Variants in SHISA6 observed in about 807,000 individuals in gnomAD.
The protein encoded by SHISA6 is shisa family member 6.
A neutral mutation model predicts 47.9 loss-of-function variants in SHISA6; 22 were observed. The ratio of observed to expected loss-of-function variants is 0.46; its 90% CI spans 0.33 to 0.66. The LOEUF is 0.66. SHISA6 is among the 30% of genes least tolerant of loss of function. The probability of loss-of-function intolerance (pLI) is 0.02; values close to 1 mark genes in which losing one functional copy is unlikely to be tolerated. For synonymous variants in SHISA6, 388 were observed against 337.8 expected, an observed-to-expected ratio of 1.15 and a Z score of -1.63; for missense variants, 680 against 764.6, an observed-to-expected ratio of 0.89 and a Z score of 1.30.
chr17:11,276,712 T>TC (rs1908909152), intron 2 of SHISA6, among the ~76,000 whole-genome samples: 1 of 150,372 alleles, frequency 6.7e-6, no homozygotes, highest in South Asian at 2.2e-4. Context: ...TCACCACCAT[T>TC]ATCATCATCA....
At chr17:11,550,590 C>T (rs1056860517) in intron 3 of SHISA6, among the ~76,000 whole-genome samples, 2 of 151,992 alleles carry the variant, frequency 1.3e-5, no homozygotes, top group African/African-American at 2.4e-5. Flanking sequence ...AAAATGGTGA[C>T]GATGATTGAA....
chr17:11,532,433 TCTCA>T (rs2071742886), intron 3 of SHISA6, among the ~76,000 whole-genome samples: 1 of 152,202 alleles, frequency 6.6e-6, no homozygotes, highest in Non-Finnish European at 1.5e-5. Flanking sequence ...TCCTTATCTC[TCTCA>T]GAGTGTCCAA....
intron 3 of SHISA6, among the ~76,000 whole-genome samples, chr17:11,540,716 T>A (rs2071826267): frequency 6.6e-6 from 1 of 152,234 alleles, no homozygotes; most frequent in Non-Finnish European, 1.5e-5. Context: ...ATGGTTGGAC[T>A]TCTCAGTGCC....
chr17:11,353,710 G>A (rs1471394584), intron 2 of SHISA6, among the ~76,000 whole-genome samples: 1 of 152,154 alleles, frequency 6.6e-6, no homozygotes. Flanking sequence ...TAAACAGGAA[G>A]AAAAGATGCT....
chr17:11,371,644 C>T (rs370614630), intron 2 of SHISA6, among the ~76,000 whole-genome samples: 2 of 152,032 alleles, frequency 1.3e-5, no homozygotes, highest in East Asian at 1.9e-4. Flanking sequence ...AAAGTGGCCC[C>T]TCTCGTTTCC....
At chr17:11,393,492 C>T (rs1200517600) in intron 3 of SHISA6, among the ~76,000 whole-genome samples, 3 of 152,158 alleles carry the variant, frequency 2.0e-5, no homozygotes, top group Non-Finnish European at 2.9e-5. Context: ...CTAACTCATT[C>T]TACCTCATTT....
At chr17:11,496,950 C>T (rs2071414467) in intron 3 of SHISA6, among the ~76,000 whole-genome samples, 1 of 152,214 alleles carries the variant, frequency 6.6e-6, no homozygotes, top group African/African-American at 2.4e-5. Flanking sequence ...CCAGATTTCA[C>T]ACAGATTTTC....
At chr17:11,509,148 G>T (rs574974892) in intron 3 of SHISA6, among the ~76,000 whole-genome samples, 1 of 152,176 alleles carries the variant, frequency 6.6e-6, no homozygotes, top group Non-Finnish European at 1.5e-5. Context: ...TAGTCCAGGT[G>T]AAAGAAGTGT....
chr17:11,273,222 G>C (rs1908749000), intron 2 of SHISA6, among the ~76,000 whole-genome samples: 1 of 152,206 alleles, frequency 6.6e-6, no homozygotes, highest in African/African-American at 2.4e-5. Context: ...ACTGATCTGG[G>C]CGCTAAACAC....
chr17:11,257,229 C>T (rs1248326695), intron 1 of SHISA6, among the ~76,000 whole-genome samples: 1 of 152,110 alleles, frequency 6.6e-6, no homozygotes, highest in Non-Finnish European at 1.5e-5. Flanking sequence ...TCTCCTTGGT[C>T]CATGTTTGTT....
chr17:11,563,151 A>G lies in SHISA6; in HGVS notation c.*4847A>G, dbSNP rs2072061066. The G allele has an allele frequency of 6.6e-6, 1 of 152,358 alleles. No individual in the cohort carries two copies. Among genetic ancestry groups the G allele is most frequent in the African/African-American group, 2.4e-5 (1 of 41,578 alleles). The allele number at this position is 152,358 out of a possible 1,614,324, so 9.4% of individuals were successfully genotyped here. A position where few individuals can be genotyped will look rare whatever the true frequency, so the allele number is the denominator to read the frequency against. Reference sequence around the variant, plus strand: ...TGGAGGTTGGCCCATAAGGGCATGAAGTTTGTACTTGAGGGCAGCTGGGAA... The same window carrying G: ...TGGAGGTTGGCCCATAAGGGCATGAGGTTTGTACTTGAGGGCAGCTGGGAA... On this transcript the variant is annotated 3_prime_UTR_variant, in exon 6 of 6. Coordinates refer to ENST00000441885, the MANE Select transcript of SHISA6 (RefSeq NM_207386.4).
chr17:11,444,847 T>G (rs903322793), intron 3 of SHISA6, among the ~76,000 whole-genome samples: 1 of 152,030 alleles, frequency 6.6e-6, no homozygotes, highest in African/African-American at 2.4e-5. Context: ...GGCAACCATC[T>G]CAAAAAGAAA....
At chr17:11,382,922 G>C (rs1468595462) in intron 3 of SHISA6, among the ~76,000 whole-genome samples, 1 of 137,452 alleles carries the variant, frequency 7.3e-6, no homozygotes, top group Non-Finnish European at 1.5e-5. Flanking sequence ...CATCAGTCCT[G>C]TCAGCCTTTT....
At chr17:11,392,428 CG>C (rs897056063) in intron 3 of SHISA6, among the ~76,000 whole-genome samples, 3 of 152,084 alleles carry the variant, frequency 2.0e-5, no homozygotes, top group African/African-American at 7.2e-5. Context: ...GTTGTCCCAT[CG>C]GGGTGAGTTC....
At chr17:11,548,917 G>A (rs1347901790) in intron 3 of SHISA6, among the ~76,000 whole-genome samples, 1 of 152,122 alleles carries the variant, frequency 6.6e-6, no homozygotes, top group African/African-American at 2.4e-5. Context: ...GATTAAAGTA[G>A]TATATGCAGC....
intron 2 of SHISA6, among the ~76,000 whole-genome samples, chr17:11,316,749 C>T (rs1013080700): frequency 2.6e-5 from 4 of 152,046 alleles, no homozygotes; most frequent in African/African-American, 4.8e-5. Context: ...GACTTAGTTT[C>T]GTTCATTCTT....
intron 3 of SHISA6, among the ~76,000 whole-genome samples, chr17:11,543,585 T>C (rs1412831034): frequency 6.6e-6 from 1 of 152,060 alleles, no homozygotes; most frequent in African/African-American, 2.4e-5. Context: ...CTGCAAAATT[T>C]TTTTCTGGCT....
intron 3 of SHISA6, among the ~76,000 whole-genome samples, chr17:11,449,142 A>G (rs1915313890): frequency 6.6e-6 from 1 of 151,920 alleles, no homozygotes; most frequent in Non-Finnish European, 1.5e-5. Context: ...AAAGTTAGCA[A>G]TAGAAATTGA....
intron 3 of SHISA6, among the ~76,000 whole-genome samples, chr17:11,480,581 G>A (rs1322932381): frequency 6.6e-6 from 1 of 152,066 alleles, no homozygotes; most frequent in African/African-American, 2.4e-5. Context: ...TCAGTGATGG[G>A]GTTTTCCATC....
Sources: allele counts gnomAD v4.1 joint callset (sites outside exome capture counted in the v4.1 genomes callset), GRCh38; gene constraint gnomAD v4.1.1; transcripts MANE v1.5; gene names NCBI Gene and HGNC (gene_info 2026-07-23, HGNC 2026-07-21).